The following ZNF215 variants were observed in gnomAD, a reference collection of about 807,000 sequenced individuals.
ZNF215 encodes the protein zinc finger protein 215.
ZNF215 carries 24 observed loss-of-function variants against 27.2 expected under a neutral mutation model. The observed-to-expected ratio is 0.88, with a 90% CI of 0.64 to 1.24. The LOEUF is 1.24. ZNF215 is among the 50% of genes most tolerant of loss of function. ZNF215 has a pLI of 0.00. For synonymous variants in ZNF215, 210 were observed against 204.0 expected, an observed-to-expected ratio of 1.03 and a Z score of -0.25; for missense variants, 675 against 605.7, an observed-to-expected ratio of 1.11 and a Z score of -1.20.
chr11:6,929,135 A>G (rs1237815796), intron 2 of ZNF215, among the ~76,000 whole-genome samples: 1 of 152,186 alleles, frequency 6.6e-6, no homozygotes, highest in Non-Finnish European at 1.5e-5. Context: ...TGGCCATGAC[A>G]ACCTAGATGG....
intron 5 of ZNF215, among the ~76,000 whole-genome samples, chr11:6,972,303 G>A (rs549042025): frequency 3.9e-5 from 6 of 151,956 alleles, no homozygotes; most frequent in Non-Finnish European, 8.8e-5. Context: ...CATAATGAAT[G>A]GGTATGACTG....
At chr11:6,943,763 G>T in intron 6 of ZNF215, 122 bp downstream of exon 6, 1 of 778,032 alleles carries the variant, frequency 1.3e-6, no homozygotes, top group Non-Finnish European at 2.1e-6. Context: ...TAAACTTTGA[G>T]GGGGAAAAGA....
chr11:6,982,819 T>C (rs1472036454), intron 5 of ZNF215, among the ~76,000 whole-genome samples: 4 of 151,562 alleles, frequency 2.6e-5, no homozygotes, highest in South Asian at 2.1e-4. Flanking sequence ...AGATCCAAAA[T>C]TGACACCCTA....
At position 6,943,573 on chromosome 11, in the gene ZNF215, G is replaced by A. The variant is rs746796225; in HGVS notation, c.644G>A (p.Ser215Asn). ...CATCTACTTTCCAAACCATTTGAGAGCCTTAAGTTGGAGAGTAAGAAAAAA... is the reference window on the plus strand; with the variant it reads ...CATCTACTTTCCAAACCATTTGAGAACCTTAAGTTGGAGAGTAAGAAAAAA... The part of the protein sequence containing the change: ...KAHLLSKPFE[S>N]LKLESKKKRW... Residue 215 changes from serine to asparagine, a missense_variant, in exon 6 of 7, where the codon AGC (serine) becomes AAC (asparagine). By Grantham distance (46) the Ser-to-Asn change is conservative. Transcript: ENST00000278319. 2 of 1,613,858 alleles carry A rather than the reference G, an allele frequency of 1.2e-6. No individual in the cohort carries two copies. Among genetic ancestry groups the A allele is most frequent in the Non-Finnish European group, 1.7e-6 (2 of 1,179,958 alleles).
rs187214590 is a variant in ZNF215, at chr11:6,977,419, C to T, written c.806-6710C>T. The stretch of plus-strand genomic sequence containing the variant: ...TTTTAAAATATAGATGTATATAAGG[C>T]TCTGTACTATCCGAGGTTTCAGGTA... On this transcript the variant is annotated intron_variant, in intron 5 of 5. Coordinates refer to the ZNF215 transcript ENST00000529903. 1.7e-3 allele frequency among the ~76,000 whole-genome samples: 257 copies of T among 152,040 alleles called. 1 individual carries two copies. Among genetic ancestry groups the T allele is most frequent in the African/African-American group, 5.9e-3 (245 of 41,504 alleles).
chr11:6,976,352 G>A (rs144417851), intron 5 of ZNF215, among the ~76,000 whole-genome samples: 595 of 152,096 alleles, frequency 3.9e-3, no homozygotes, highest in Non-Finnish European at 5.7e-3. Context: ...TTGACACAGA[G>A]ACCAAGGATG....
In ZNF215 at chr11:6,928,706, C is replaced by CATATG. The variant is rs534929012; in HGVS notation, c.-180+900_-180+904dup. ...AAAGCCTTTTCTGTTTTGTCTTTGACATATGGCCTGTGAGCTTTTATTTTT... is the reference window on the plus strand; with the variant it reads ...AAAGCCTTTTCTGTTTTGTCTTTGACATATGATATGGCCTGTGAGCTTTTATTTTT... On this transcript the variant is annotated intron_variant, in intron 2 of 6. Transcript: ENST00000278319. Among the ~76,000 whole-genome samples, 64 of 152,296 alleles carry CATATG rather than the reference C, an allele frequency of 4.2e-4. No homozygotes were observed. In the South Asian group the frequency reaches 0.013, roughly 32 times the overall value.
At chr11:6,960,462 CG>C (rs1285254042), downstream of ZNF215, among the ~76,000 whole-genome samples, 1 of 152,086 alleles carries the variant, frequency 6.6e-6, no homozygotes, top group Admixed American at 6.6e-5. Context: ...CCTGAGCAAG[CG>C]AAAAACAAGT....
At position 6,926,426 on chromosome 11, in the gene ZNF215, AGAAAGGGACGG is replaced by A. The variant is rs1849038009; in HGVS notation, c.-583_-573del. 1 of 140,020 alleles carries A rather than the reference AGAAAGGGACGG, an allele frequency of 7.1e-6. No individual in the cohort carries two copies. Among genetic ancestry groups the A allele is most frequent in the Non-Finnish European group, 1.6e-5 (1 of 62,152 alleles). The allele number at this position is 140,020 out of a possible 1,614,324, so 8.7% of individuals were successfully genotyped here. ...GCCTGCAGAAAGGGACGGGGCCTGC[AGAAAGGGACGG>A]GGCTGGCAAAGGCCTGGTCTACCTC... On this transcript the variant is annotated 5_prime_UTR_variant, in exon 1 of 7. Coordinates refer to ENST00000278319, the MANE Select transcript of ZNF215 (RefSeq NM_013250.4).
chr11:6,960,440 T>TG (rs1850493898), downstream of ZNF215, among the ~76,000 whole-genome samples: 3 of 152,122 alleles, frequency 2.0e-5, no homozygotes, highest in Non-Finnish European at 2.9e-5. Context: ...AGAAAGGAGC[T>TG]CCATAACTCA....
Position 6,957,836 on chromosome 11 carries a change from CTG to C in ZNF215, c.*1307_*1308del. On this transcript the variant is annotated 3_prime_UTR_variant, in exon 7 of 7. Coordinates refer to ENST00000278319, the MANE Select transcript of ZNF215 (RefSeq NM_013250.4). ...TGAAGTTATTAAAGTCTCCTATACT[CTG>C]TACACCAGAACTGTGTCTTCTGTAA... 1.0e-6 allele frequency: 1 copy of C among 985,404 alleles called. No individual in the cohort carries two copies. Among genetic ancestry groups the C allele is most frequent in the Non-Finnish European group, 1.2e-6 (1 of 829,916 alleles). 61.0% of individuals were successfully genotyped at this position (985,404 alleles called of 1,614,324 possible).
chr11:6,955,508 A>C (rs1421923425), intron 6 of ZNF215, among the ~76,000 whole-genome samples, 182 bp from the exon 7 acceptor site: 1 of 150,558 alleles, frequency 6.6e-6, no homozygotes, highest in Non-Finnish European at 1.5e-5. Context: ...TTATTTACTA[A>C]CCTCCTTTTA....
At chr11:6,930,021 T>G (rs1849194251) in intron 2 of ZNF215, among the ~76,000 whole-genome samples, 1 of 152,186 alleles carries the variant, frequency 6.6e-6, no homozygotes, top group African/African-American at 2.4e-5. Context: ...CTTATATTGT[T>G]CCAGATTTGG....
At chr11:6,946,588 C>T (rs1053247791) in intron 6 of ZNF215, among the ~76,000 whole-genome samples, 4 of 152,206 alleles carry the variant, frequency 2.6e-5, no homozygotes, top group Non-Finnish European at 4.4e-5. Flanking sequence ...CTCTTCCCCC[C>T]GTTCTTTACC....
At chr11:6,990,823 C>T (rs1019719903), downstream of ZNF215, among the ~76,000 whole-genome samples, 1 of 152,132 alleles carries the variant, frequency 6.6e-6, no homozygotes, top group Non-Finnish European at 1.5e-5. Context: ...TATATTTGTC[C>T]CTACCAGGTA....
intron 6 of ZNF215, among the ~76,000 whole-genome samples, chr11:6,946,627 A>G (rs905735206): frequency 1.3e-5 from 2 of 152,150 alleles, no homozygotes; most frequent in Non-Finnish European, 2.9e-5. Context: ...CAGATCTCAA[A>G]TAAGTGCACA....
chr11:6,931,855 T>C (rs1169692722), intron 2 of ZNF215, among the ~76,000 whole-genome samples: 1 of 152,206 alleles, frequency 6.6e-6, no homozygotes, highest in East Asian at 1.9e-4. Flanking sequence ...TACGAAGTTT[T>C]TTTAAATCAA....
At chr11:6,939,915 G>A (rs1849577588) in intron 3 of ZNF215, among the ~76,000 whole-genome samples, 1 of 152,052 alleles carries the variant, frequency 6.6e-6, no homozygotes, top group African/African-American at 2.4e-5. Context: ...ATTCCACAAA[G>A]TGTACAGACC....
At chr11:6,944,613 G>A (rs1849751309) in intron 6 of ZNF215, among the ~76,000 whole-genome samples, 1 of 151,856 alleles carries the variant, frequency 6.6e-6, no homozygotes, top group African/African-American at 2.4e-5. Context: ...ATAAAATTGT[G>A]ATATTAATAT....
Sources: allele counts gnomAD v4.1 joint callset (sites outside exome capture counted in the v4.1 genomes callset), GRCh38; gene constraint gnomAD v4.1.1; transcripts MANE v1.5; gene names NCBI Gene and HGNC (gene_info 2026-07-23, HGNC 2026-07-21).